ABLIM1: variants seen among roughly 807,000 people sequenced by gnomAD.
ABLIM1 encodes actin-binding LIM protein 1.
A neutral mutation model predicts 107.0 loss-of-function variants in ABLIM1; 40 were observed. The ratio of observed to expected loss-of-function variants is 0.37; its 90% confidence interval spans 0.29 to 0.49. The LOEUF (loss-of-function observed/expected upper bound fraction) is 0.49, where lower values mean the gene tolerates loss of function less well. Among genes scored for constraint, ABLIM1 ranks in the 20% least tolerant of loss-of-function variants. The pLI, the probability that ABLIM1 is intolerant of heterozygous loss-of-function variation, is 0.97. For synonymous variants in ABLIM1, 357 were observed against 357.3 expected (o/e 1.00, Z 0.01); for missense variants, 857 against 1,008.5 (o/e 0.85, Z 2.04).
At chr10:114,459,943 G>T (rs767490910) in intron 12 of ABLIM1, among the ~76,000 whole-genome samples, 1 of 152,146 alleles carries the variant, frequency 6.6e-6, no homozygotes, top group East Asian at 1.9e-4. Context: ...GAACATAGGG[G>T]TGTTATAATT....
intron 2 of ABLIM1, among the ~76,000 whole-genome samples, chr10:114,581,110 A>T (rs1054755234): frequency 5.3e-5 from 8 of 152,182 alleles, no homozygotes; most frequent in African/African-American, 1.9e-4. Context: ...ACAATCAACT[A>T]CTAAAGAAGA....
chr10:114,799,680 T>C, the ABLIM1 span, among the ~76,000 whole-genome samples: 1 of 152,218 alleles, frequency 6.6e-6, no homozygotes, highest in Non-Finnish European at 1.5e-5. Flanking sequence ...CAAGCCACCA[T>C]CACTTCTTAC....
chr10:114,738,944 G>A (rs34522396), intron 1 of ABLIM1, among the ~76,000 whole-genome samples: 3 of 152,196 alleles, frequency 2.0e-5, no homozygotes, highest in Admixed American at 2.0e-4. Context: ...AAATGTCTTA[G>A]TAATGGGGGT....
chr10:114,720,708 G>A (rs1469011012), intron 1 of ABLIM1, among the ~76,000 whole-genome samples: 1 of 151,330 alleles, frequency 6.6e-6, no homozygotes, highest in Non-Finnish European at 1.5e-5. Context: ...GGAGTAACAA[G>A]ACAGGGAAAA....
chr10:114,702,944 T>C (rs1353688552), intron 1 of ABLIM1, among the ~76,000 whole-genome samples: 2 of 152,192 alleles, frequency 1.3e-5, no homozygotes, highest in Admixed American at 6.5e-5. Flanking sequence ...TAAATAATTA[T>C]TTTATTTGTT....
At chr10:114,566,204 G>A (rs181819194) in intron 4 of ABLIM1, among the ~76,000 whole-genome samples, 8 of 152,272 alleles carry the variant, frequency 5.3e-5, no homozygotes, top group African/African-American at 1.9e-4. Context: ...AGAGAAAGAT[G>A]AGCCTGCATG....
intron 8 of ABLIM1, among the ~76,000 whole-genome samples, chr10:114,484,527 C>T (rs776135967): frequency 1.8e-4 from 28 of 152,260 alleles, no homozygotes; most frequent in Admixed American, 9.8e-4. Context: ...GGATTACAGG[C>T]GCCCACAACC....
the ABLIM1 span, among the ~76,000 whole-genome samples, chr10:114,791,111 C>T: frequency 1.3e-5 from 2 of 152,142 alleles, no homozygotes; most frequent in African/African-American, 4.8e-5. Flanking sequence ...CTCACTCTGT[C>T]TCCCAGGCTG....
At chr10:114,462,514 C>A (rs1370796573) in intron 12 of ABLIM1, among the ~76,000 whole-genome samples, 1 of 152,076 alleles carries the variant, frequency 6.6e-6, no homozygotes, top group Non-Finnish European at 1.5e-5. Flanking sequence ...GGAGTTAGGA[C>A]AAATCAAAAG....
upstream of ABLIM1, among the ~76,000 whole-genome samples, chr10:114,685,227 T>C (rs1448001832): frequency 6.6e-6 from 1 of 152,136 alleles, no homozygotes; most frequent in African/African-American, 2.4e-5. Context: ...ACAGTTTAAA[T>C]GGAAAAAGAC....
At chr10:114,669,643 G>T (rs1413779400) in intron 1 of ABLIM1, among the ~76,000 whole-genome samples, 2 of 152,188 alleles carry the variant, frequency 1.3e-5, no homozygotes, top group Non-Finnish European at 2.9e-5. Context: ...AGAACAAAGT[G>T]CTTTGCTTTT....
intron 1 of ABLIM1, among the ~76,000 whole-genome samples, chr10:114,665,116 C>CAAAAAAAAAAAAAA (rs34831708): frequency 6.9e-6 from 1 of 144,544 alleles, no homozygotes; most frequent in Non-Finnish European, 1.5e-5. Context: ...GACTCCGTCT[C>CAAAAAAAAAAAAAA]AAAAAAAAAA....
At position 114,710,914 on chromosome 10, in the gene ABLIM1, G is replaced by C. The variant is rs113612628; in HGVS notation, c.-213+57147C>G. On this transcript the variant is annotated intron_variant, in intron 1 of 15. Coordinates refer to the ABLIM1 transcript ENST00000651092. ...CGATCAGTAGAAAAGGCAAGGCTTT[G>C]GAGCATTTGCTTATCCCTCACGCAT... Among the ~76,000 whole-genome samples the C allele has an allele frequency of 5.4e-3, 827 of 152,344 alleles. 4 individuals are homozygous for C. The highest frequency in any genetic ancestry group is 9.6e-3 in the Non-Finnish European group (654 of 68,034).
chr10:114,596,546 G>A (rs1322893110), intron 2 of ABLIM1, among the ~76,000 whole-genome samples: 1 of 152,134 alleles, frequency 6.6e-6, no homozygotes, highest in African/African-American at 2.4e-5. Flanking sequence ...GTAAATGGAT[G>A]AGTAACTCAT....
intron 1 of ABLIM1, among the ~76,000 whole-genome samples, chr10:114,626,509 C>T (rs2077809391): frequency 6.6e-6 from 1 of 152,150 alleles, no homozygotes; most frequent in South Asian, 2.1e-4. Context: ...TTATCCCCAA[C>T]ACTGGCTTAA....
rs1360286294 is a variant in ABLIM1, at chr10:114,432,060, T to C, written c.*4200A>G. 6.6e-6 allele frequency: 1 copy of C among 152,226 alleles called. No individual in the cohort carries two copies. The highest frequency in any genetic ancestry group is 2.4e-5 in the African/African-American group (1 of 41,468). The allele number at this position is 152,226 out of a possible 1,614,324, so 9.4% of individuals were successfully genotyped here. Reference sequence around the variant, plus strand: ...TGGGTAGTTCCCTTAAAGTACATCATTGCTATAAGTTGGTATCACTGCAAA... The same window carrying C: ...TGGGTAGTTCCCTTAAAGTACATCACTGCTATAAGTTGGTATCACTGCAAA... On this transcript the variant is annotated 3_prime_UTR_variant, in exon 23 of 23. Coordinates refer to ENST00000533213, the MANE Select transcript of ABLIM1 (RefSeq NM_002313.7).
chr10:114,738,614 A>G (rs1050540420), intron 1 of ABLIM1, among the ~76,000 whole-genome samples: 1 of 152,222 alleles, frequency 6.6e-6, no homozygotes, highest in Non-Finnish European at 1.5e-5. Context: ...AGCTCAAGAG[A>G]TAGGCCACAG....
intron 1 of ABLIM1, among the ~76,000 whole-genome samples, chr10:114,630,983 G>C (rs1031818872): frequency 1.6e-4 from 24 of 152,142 alleles, no homozygotes; most frequent in African/African-American, 5.1e-4. Context: ...TGGTCTAGAA[G>C]GGTCTAGCAA....
the ABLIM1 span, among the ~76,000 whole-genome samples, chr10:114,789,249 C>T: frequency 0.039 from 5,883 of 151,596 alleles, 379 homozygotes; most frequent in African/African-American, 0.14. Context: ...AACAAGACTC[C>T]GTCTCAAAAA....
Sources: gnomAD v4.1 joint callset for allele counts (sites outside exome capture counted in the v4.1 genomes callset) on GRCh38, gnomAD v4.1.1 for gene constraint, MANE v1.5 for transcripts, NCBI Gene and HGNC (gene_info 2026-07-23, HGNC 2026-07-21) for gene names.